Variants in TNKS observed in about 807,000 individuals in gnomAD.
TNKS encodes the protein poly [ADP-ribose] polymerase tankyrase-1.
Under a neutral mutation model 135.8 loss-of-function variants are expected in TNKS, and 72 were observed. The ratio of observed to expected loss-of-function variants is 0.53; its 90% confidence interval spans 0.44 to 0.64. The LOEUF (loss-of-function observed/expected upper bound fraction) is 0.64, where lower values mean the gene tolerates loss of function less well. Among genes scored for constraint, TNKS ranks in the 30% least tolerant of loss-of-function variants. The pLI, the probability that TNKS is intolerant of heterozygous loss-of-function variation, is 0.00. For missense variants in TNKS, 1,769 were observed against 1,674.0 expected, an observed-to-expected ratio of 1.06 and a Z score of -0.99; for synonymous variants, 849 against 649.3, an observed-to-expected ratio of 1.31 and a Z score of -4.68.
rs188508114 is a variant in TNKS at position 9,624,078 on chromosome 8, C to G, written c.994+8401C>G. ...TTTCTGTTTGGATAATCTCACCACT[C>G]TAGTACTTCAAGTCCTTCCAATGAA... On this transcript the variant is annotated intron_variant, in intron 3 of 26. Transcript: ENST00000310430. Among the ~76,000 whole-genome samples the G allele has an allele frequency of 3.4e-3, 512 of 152,244 alleles. 1 individual carries two copies. The highest frequency in any genetic ancestry group is 4.0e-3 in the Non-Finnish European group (269 of 67,996).
intron 1 of TNKS, among the ~76,000 whole-genome samples, chr8:9,570,335 G>T (rs939444913): frequency 6.6e-6 from 1 of 152,154 alleles, no homozygotes; most frequent in Non-Finnish European, 1.5e-5. Flanking sequence ...CTGTAATGGG[G>T]ATAGCAGCAG....
intron 3 of TNKS, among the ~76,000 whole-genome samples, chr8:9,664,335 T>C (rs536728377): frequency 6.6e-6 from 1 of 152,058 alleles, no homozygotes; most frequent in Non-Finnish European, 1.5e-5. Context: ...CAACCAACTA[T>C]TGAAGGAACT....
At chr8:9,760,514 A>AAACT (rs562757260) in intron 20 of TNKS, among the ~76,000 whole-genome samples, 94 of 152,338 alleles carry the variant, frequency 6.2e-4, no homozygotes, top group African/African-American at 2.2e-3. Flanking sequence ...TTTGAGTTGG[A>AAACT]AACTGCATGT....
intron 3 of TNKS, among the ~76,000 whole-genome samples, chr8:9,620,898 T>C (rs1395473216): frequency 2.6e-5 from 4 of 152,206 alleles, no homozygotes; most frequent in African/African-American, 9.7e-5. Flanking sequence ...GTTTGGACTT[T>C]TGTCTGTCTT....
chr8:9,701,793 G>C (rs77670590), intron 5 of TNKS, among the ~76,000 whole-genome samples: 1 of 152,158 alleles, frequency 6.6e-6, no homozygotes, highest in African/African-American at 2.4e-5. Flanking sequence ...GGGAGTTTGG[G>C]GAGACTAAGG....
Position 9,766,407 on chromosome 8 carries a change from C to G in TNKS, c.3722C>G (p.Ser1241Ter). ...GTGCPTHKDR[S>*]CYICHRQMLF... ...GGCTGCCCTACACACAAGGACAGGT[C>G]ATGCTATATATGTCACAGGTAAGCA... Residue 1241 changes from serine to a stop codon, truncating the protein, a stop_gained, in exon 25 of 27, where the codon TCA (serine) becomes TGA (stop). Coordinates refer to ENST00000310430, the MANE Select transcript of TNKS (RefSeq NM_003747.3). LOFTEE classifies it high-confidence loss of function. 1 of 1,605,786 alleles carries G rather than the reference C, an allele frequency of 6.2e-7. No individual in the cohort carries two copies. The highest frequency in any genetic ancestry group is 8.5e-7 in the Non-Finnish European group (1 of 1,174,966).
intron 5 of TNKS, among the ~76,000 whole-genome samples, chr8:9,689,058 A>C (rs979606850): frequency 7.9e-5 from 12 of 152,194 alleles, no homozygotes; most frequent in African/African-American, 2.7e-4. Flanking sequence ...AAATGCTATC[A>C]TATTGGGGGT....
At chr8:9,760,760 A>G (rs1807109735) in intron 20 of TNKS, among the ~76,000 whole-genome samples, 1 of 152,226 alleles carries the variant, frequency 6.6e-6, no homozygotes, top group African/African-American at 2.4e-5. Context: ...GAGCCAACTA[A>G]TCATCTCCAT....
chr8:9,651,640 G>C (rs1268090639), intron 3 of TNKS, among the ~76,000 whole-genome samples: 1 of 152,184 alleles, frequency 6.6e-6, no homozygotes, highest in Non-Finnish European at 1.5e-5. Context: ...TGTTCGGGAG[G>C]CAGGAGGAAT....
intron 26 of TNKS, among the ~76,000 whole-genome samples, 186 bp downstream of exon 26, chr8:9,770,448 A>G (rs894535660): frequency 1.3e-5 from 2 of 152,256 alleles, no homozygotes; most frequent in African/African-American, 4.8e-5. Context: ...CCTAAAACCC[A>G]TTAGTAGCTG....
At position 9,658,009 on chromosome 8, in the gene TNKS, C is replaced by A. The variant is rs1263953722; in HGVS notation, c.995-21942C>A. ...GCTCCTCACATCCCAGATGGGGCGG[C>A]GGGGCAGAGGCGCTCCCCACATCTC... On this transcript the variant is annotated intron_variant, in intron 3 of 26. Coordinates refer to ENST00000310430, the MANE Select transcript of TNKS (RefSeq NM_003747.3). Among the ~76,000 whole-genome samples, 3 of 72,946 alleles carry A rather than the reference C, an allele frequency of 4.1e-5. 1 individual carries two copies. Among genetic ancestry groups the A allele is most frequent in the African/African-American group, 1.7e-4 (3 of 18,064 alleles). The allele number at this position is 72,946 out of a possible 152,430, so 47.9% of individuals were successfully genotyped here. A position where few individuals can be genotyped will look rare whatever the true frequency, so the allele number is the denominator to read the frequency against.
At chr8:9,756,545 A>G (rs1420548013) in intron 20 of TNKS, among the ~76,000 whole-genome samples, 1 of 152,084 alleles carries the variant, frequency 6.6e-6, no homozygotes, top group African/African-American at 2.4e-5. Flanking sequence ...GGAGCAAGTT[A>G]ATTTAAATAT....
chr8:9,583,332 A>G (rs1220912768), intron 2 of TNKS, among the ~76,000 whole-genome samples: 1 of 152,138 alleles, frequency 6.6e-6, no homozygotes, highest in Admixed American at 6.5e-5. Flanking sequence ...GGTCTTGGGA[A>G]TGTTGATGAC....
At chr8:9,556,674 C>A in intron 1 of TNKS, 62 bp downstream of exon 1, 10 of 1,587,330 alleles carry the variant, frequency 6.3e-6, no homozygotes, top group Non-Finnish European at 8.6e-6. Context: ...CCGGTTAGGA[C>A]AAGAAAACAG....
intron 3 of TNKS, among the ~76,000 whole-genome samples, chr8:9,648,656 G>A (rs1003128661): frequency 6.6e-6 from 1 of 152,148 alleles, no homozygotes; most frequent in Non-Finnish European, 1.5e-5. Flanking sequence ...CTACAAACGT[G>A]AGTAATGCTC....
At chr8:9,563,957 C>G (rs1376285424) in intron 1 of TNKS, among the ~76,000 whole-genome samples, 6 of 152,126 alleles carry the variant, frequency 3.9e-5, no homozygotes, top group Non-Finnish European at 7.4e-5. Flanking sequence ...GTAATCCCCC[C>G]TGTCCCTTTT....
At chr8:9,724,414 C>T (rs1265453824) in intron 12 of TNKS, among the ~76,000 whole-genome samples, 1 of 151,900 alleles carries the variant, frequency 6.6e-6, no homozygotes, top group Non-Finnish European at 1.5e-5. Context: ...ATAGTGAGAC[C>T]CCATCTCTAA....
chr8:9,679,885 G>A (rs1283071884), intron 3 of TNKS, 66 bp from the exon 4 acceptor site: 4 of 1,260,594 alleles, frequency 3.2e-6, no homozygotes, highest in Non-Finnish European at 4.7e-6. Context: ...TCTATTTGCT[G>A]CCTACTGCAT....
At position 9,782,207 on chromosome 8, in the gene TNKS, G is replaced by A. The variant is rs1441924509; in HGVS notation, c.*5471G>A. 2 of 152,546 alleles carry A rather than the reference G, an allele frequency of 1.3e-5. No homozygotes were observed. The highest frequency in any genetic ancestry group is 2.9e-5 in the Non-Finnish European group (2 of 68,028). 9.4% of individuals were successfully genotyped at this position (152,546 alleles called of 1,614,324 possible). A position where few individuals can be genotyped will look rare whatever the true frequency, so the allele number is the denominator to read the frequency against. On this transcript the variant is annotated 3_prime_UTR_variant, in exon 27 of 27. Coordinates refer to ENST00000310430, the MANE Select transcript of TNKS (RefSeq NM_003747.3). ...ACTTCTTTCCAAAGGAGGGCATCAA[G>A]GAACTTAACCTGCCTGCCTGGTGGG...
Sources: gnomAD v4.1 joint callset for allele counts (sites outside exome capture counted in the v4.1 genomes callset) on GRCh38, gnomAD v4.1.1 for gene constraint, MANE v1.5 for transcripts, NCBI Gene and HGNC (gene_info 2026-07-23, HGNC 2026-07-21) for gene names.